Variants in GTF2F2 observed in about 807,000 individuals in gnomAD.
The protein encoded by GTF2F2 is general transcription factor IIF subunit 2, also known as ATP-dependent helicase GTF2F2.
A neutral mutation model predicts 42.2 loss-of-function variants in GTF2F2; 23 were observed. The observed-to-expected ratio is 0.55, with a 90% CI of 0.39 to 0.77. The LOEUF (loss-of-function observed/expected upper bound fraction) is 0.77. Among genes scored for constraint, GTF2F2 ranks in the 30% least tolerant of loss-of-function variants. The pLI is 0.00. For synonymous variants in GTF2F2, 105 were observed against 100.8 expected (o/e 1.04, Z -0.25); for missense variants, 261 against 287.2 (o/e 0.91, Z 0.66).
chr13:45,189,068 A>C (rs895195997), intron 4 of GTF2F2, among the ~76,000 whole-genome samples: 1 of 151,922 alleles, frequency 6.6e-6, no homozygotes, highest in East Asian at 1.9e-4. Context: ...CCACCCCACA[A>C]CAGGCCCCAG....
Position 45,283,625 on chromosome 13 carries a change from A to G in GTF2F2, c.*64A>G. ...GCGATGCTATGCAAAAGGCGCTGAT[A>G]CTGGAAGGCTTGAACACCGTATGTT... On this transcript the variant is annotated 3_prime_UTR_variant, in exon 8 of 8. Coordinates refer to ENST00000340473, the MANE Select transcript of GTF2F2 (RefSeq NM_004128.3). 7 of 1,454,236 alleles carry G rather than the reference A, an allele frequency of 4.8e-6. No homozygotes were observed. The highest frequency in any genetic ancestry group is 6.4e-6 in the Non-Finnish European group (7 of 1,086,608). The allele number at this position is 1,454,236 out of a possible 1,614,324, so 90.1% of individuals were successfully genotyped here. A position where few individuals can be genotyped will look rare whatever the true frequency, so the allele number is the denominator to read the frequency against.
At chr13:45,206,972 A>C (rs953630411) in intron 4 of GTF2F2, 2 of 152,554 alleles carry the variant, frequency 1.3e-5, no homozygotes, top group African/African-American at 4.9e-5. Flanking sequence ...TGTTTTAGTC[A>C]CAAGGTACTT....
intron 5 of GTF2F2, among the ~76,000 whole-genome samples, chr13:45,212,370 C>G (rs1457980999): frequency 6.6e-6 from 1 of 152,194 alleles, no homozygotes; most frequent in Non-Finnish European, 1.5e-5. Flanking sequence ...ATGCTTGGCA[C>G]TTGCCCATAT....
chr13:45,242,203 C>A (rs112895522), intron 5 of GTF2F2, among the ~76,000 whole-genome samples: 4 of 151,262 alleles, frequency 2.6e-5, no homozygotes, highest in South Asian at 4.2e-4. Context: ...CTTCACCTGG[C>A]CTTTCTCCTG....
intron 4 of GTF2F2, among the ~76,000 whole-genome samples, chr13:45,182,670 T>C (rs1872222933): frequency 6.6e-6 from 1 of 152,142 alleles, no homozygotes; most frequent in African/African-American, 2.4e-5. Flanking sequence ...TCTACTTTTT[T>C]CTTAGATGGT....
chr13:45,193,968 T>C (rs745619832), intron 4 of GTF2F2: 7 of 1,613,986 alleles, frequency 4.3e-6, no homozygotes, highest in Middle Eastern at 3.3e-4. Flanking sequence ...TTTCAGACTT[T>C]ATGAAGTATT....
intron 4 of GTF2F2, among the ~76,000 whole-genome samples, chr13:45,178,440 T>A (rs1357411377): frequency 1.3e-5 from 2 of 150,538 alleles, no homozygotes; most frequent in Admixed American, 6.6e-5. Flanking sequence ...TTTTTTTTTT[T>A]AATCACAGTC....
chr13:45,232,512 A>G (rs1468463459), intron 5 of GTF2F2, among the ~76,000 whole-genome samples: 1 of 152,100 alleles, frequency 6.6e-6, no homozygotes. Context: ...GCATGTACCT[A>G]TAGTCCCAGC....
chr13:45,246,371 T>C (rs770317158), intron 5 of GTF2F2, among the ~76,000 whole-genome samples: 56 of 152,288 alleles, frequency 3.7e-4, no homozygotes, highest in Non-Finnish European at 6.2e-4. Context: ...TCATATTGTT[T>C]GAGCCCAGTT....
intron 4 of GTF2F2, chr13:45,207,223 T>G (rs2138188987): frequency 2.1e-6 from 1 of 486,996 alleles, no homozygotes. Flanking sequence ...TAAACAAATC[T>G]GACAGGAGCC....
chr13:45,139,240 A>C (rs1304326070), intron 2 of GTF2F2, among the ~76,000 whole-genome samples: 1 of 152,172 alleles, frequency 6.6e-6, no homozygotes, highest in East Asian at 1.9e-4. Context: ...GGGTGATGTG[A>C]ATTGTGCATG....
At chr13:45,272,543 G>C (rs1156300706) in intron 7 of GTF2F2, among the ~76,000 whole-genome samples, 1 of 150,610 alleles carries the variant, frequency 6.6e-6, no homozygotes, top group Non-Finnish European at 1.5e-5. Flanking sequence ...AGGAGTTCAA[G>C]ACCAGCCTGG....
chr13:45,172,529 C>T (rs549000227), intron 4 of GTF2F2, among the ~76,000 whole-genome samples: 3 of 152,196 alleles, frequency 2.0e-5, no homozygotes, highest in African/African-American at 7.2e-5. Flanking sequence ...CGTTGGAGTA[C>T]AGAACTTTTA....
At chr13:45,282,663 C>G (rs1171013498) in intron 7 of GTF2F2, among the ~76,000 whole-genome samples, 2 of 152,178 alleles carry the variant, frequency 1.3e-5, no homozygotes. Context: ...CACCACCATG[C>G]CTGGCTAATT....
intron 7 of GTF2F2, among the ~76,000 whole-genome samples, chr13:45,278,828 T>TTTTTTTTTTTTTTTG (rs1877141097): frequency 7.3e-6 from 1 of 136,778 alleles, no homozygotes; most frequent in African/African-American, 2.8e-5. Context: ...TTTTTTTTTT[T>TTTTTTTTTTTTTTTG]TTTTTTTTTT....
intron 5 of GTF2F2, among the ~76,000 whole-genome samples, chr13:45,212,007 C>T (rs527339792): frequency 1.3e-5 from 2 of 152,212 alleles, no homozygotes; most frequent in African/African-American, 4.8e-5. Context: ...TGCGCACGCA[C>T]ACACACAGTT....
chr13:45,222,734 AC>A (rs1314384653), intron 5 of GTF2F2, among the ~76,000 whole-genome samples: 1 of 152,234 alleles, frequency 6.6e-6, no homozygotes, highest in Non-Finnish European at 1.5e-5. Context: ...GATGAATAAG[AC>A]ATTTTTCCTG....
In GTF2F2 at chr13:45,120,545, G is replaced by T. The variant is rs1868565521; in HGVS notation, c.-111G>T. On this transcript the variant is annotated 5_prime_UTR_variant, in exon 1 of 8. Transcript: ENST00000340473. ...AGTGTTCTGGCAGGTAAGGAACGCCGGCTCTTCGCCTCTCAGCGCGGCTTG... is the reference window on the plus strand; with the variant it reads ...AGTGTTCTGGCAGGTAAGGAACGCCTGCTCTTCGCCTCTCAGCGCGGCTTG... 1.4e-6 allele frequency: 1 copy of T among 737,084 alleles called. No homozygotes were observed. The highest frequency in any genetic ancestry group is 2.3e-6 in the Non-Finnish European group (1 of 429,376). The allele number at this position is 737,084 out of a possible 1,614,324, so 45.7% of individuals were successfully genotyped here.
At chr13:45,250,963 T>C (rs1875853661) in intron 5 of GTF2F2, among the ~76,000 whole-genome samples, 1 of 152,222 alleles carries the variant, frequency 6.6e-6, no homozygotes, top group South Asian at 2.1e-4. Flanking sequence ...CTAAAGACAC[T>C]TCCAGAGAAC....
Sources: allele counts gnomAD v4.1 joint callset (sites outside exome capture counted in the v4.1 genomes callset), GRCh38; gene constraint gnomAD v4.1.1; transcripts MANE v1.5; gene names NCBI Gene and HGNC (gene_info 2026-07-23, HGNC 2026-07-21).